BRWD1: variants seen among roughly 807,000 people sequenced by gnomAD.
The protein encoded by BRWD1 is bromodomain and WD repeat-containing protein 1.
Under a neutral mutation model 251.2 loss-of-function variants are expected in BRWD1, and 82 were observed. The ratio of observed to expected loss-of-function variants is 0.33; its 90% confidence interval spans 0.27 to 0.39. The LOEUF (loss-of-function observed/expected upper bound fraction) is 0.39, where lower values mean the gene tolerates loss of function less well. Among genes scored for constraint, BRWD1 ranks in the 10% least tolerant of loss-of-function variants. The pLI is 1.00. For missense variants in BRWD1, 2,233 were observed against 2,711.6 expected (o/e 0.82, Z 3.92); for synonymous variants, 918 against 902.8 (o/e 1.02, Z -0.30).
chr21:39,198,907 AT>A lies in BRWD1; in HGVS notation c.5508del (p.Lys1836AsnfsTer7). The part of the protein sequence containing the change: ...ESEEQDREDG[K>X]CHKMEMNPIS... ...ATTGGGTTCATTTCCATTTTATGAC[AT>A]TTCCCATCTTCTCTATCTTGCTCTT... On this transcript the variant is annotated frameshift_variant, in exon 40 of 41. Coordinates refer to ENST00000342449, the MANE Select transcript of BRWD1 (RefSeq NM_033656.4). LOFTEE classifies it high-confidence loss of function. 1 of 1,614,110 alleles carries A rather than the reference AT, an allele frequency of 6.2e-7. No homozygotes were observed. Among genetic ancestry groups the A allele is most frequent in the Non-Finnish European group, 8.5e-7 (1 of 1,180,014 alleles).
rs2836979 is a variant in BRWD1, at chr21:39,298,241, T to C, written c.349+191A>G. The C allele has an allele frequency of 6.5e-6, 8 of 1,235,524 alleles. No individual in the cohort carries two copies. In the East Asian group the frequency reaches 9.7e-5, roughly 15 times the overall value. The allele number at this position is 1,235,524 out of a possible 1,614,324, so 76.5% of individuals were successfully genotyped here. On this transcript the variant is annotated intron_variant, in intron 5 of 40. Coordinates refer to ENST00000342449, the MANE Select transcript of BRWD1 (RefSeq NM_033656.4). ...ATCTATATCTTTATCAACTTTTTAA[T>C]GCAGAAGGACCCATTAAACACTTAT...
At chr21:39,274,342 T>C (rs1601436571) in intron 13 of BRWD1, 32 bp downstream of exon 13, 5 of 1,508,942 alleles carry the variant, frequency 3.3e-6, no homozygotes, top group South Asian at 1.1e-5. Context: ...CGAACACCTA[T>C]GATGCACCTA....
chr21:39,280,326 T>C, intron 8 of BRWD1, 78 bp from the exon 9 acceptor site: 1 of 1,092,346 alleles, frequency 9.2e-7, no homozygotes. Context: ...CAAACTTAAC[T>C]TCAATTGACA....
chr21:39,203,445 T>C (rs964618313), intron 37 of BRWD1, among the ~76,000 whole-genome samples: 25 of 135,998 alleles, frequency 1.8e-4, no homozygotes, highest in South Asian at 7.5e-4. Flanking sequence ...GTTCTTTTTT[T>C]TTTTTTTTTT....
At chr21:39,278,115 C>T (rs2035335400) in intron 10 of BRWD1, among the ~76,000 whole-genome samples, 1 of 152,088 alleles carries the variant, frequency 6.6e-6, no homozygotes, top group African/African-American at 2.4e-5. Flanking sequence ...TCCCAAAGGA[C>T]TGGGATTACA....
intron 8 of BRWD1, among the ~76,000 whole-genome samples, chr21:39,290,413 C>T (rs2035774070): frequency 6.6e-6 from 1 of 151,820 alleles, no homozygotes; most frequent in South Asian, 2.1e-4. Flanking sequence ...ACCACTTGAA[C>T]CCATGAGGCA....
chr21:39,315,490 C>A (rs2036683040), upstream of BRWD1, among the ~76,000 whole-genome samples: 1 of 151,962 alleles, frequency 6.6e-6, no homozygotes, highest in South Asian at 2.1e-4. Context: ...AAAAATTAGC[C>A]AGGTGTGGCA....
chr21:39,280,065 C>A (rs779342883), intron 9 of BRWD1, 83 bp downstream of exon 9: 9 of 1,025,414 alleles, frequency 8.8e-6, no homozygotes, highest in Non-Finnish European at 1.3e-5. Context: ...CACAATTTCT[C>A]ATAACAATAA....
chr21:39,250,748 T>C (rs1168080510), intron 20 of BRWD1, 48 bp downstream of exon 20: 2 of 1,169,866 alleles, frequency 1.7e-6, no homozygotes, highest in Admixed American at 2.5e-5. Flanking sequence ...GAAAACTCTA[T>C]ATTTCAATGT....
At chr21:39,295,397 C>T (rs977870334) in intron 7 of BRWD1, among the ~76,000 whole-genome samples, 1 of 151,870 alleles carries the variant, frequency 6.6e-6, no homozygotes, top group African/African-American at 2.4e-5. Context: ...CCGTGTTAGC[C>T]AGGATGGTCT....
At chr21:39,288,487 A>ATTGTGAT (rs2035708892) in intron 8 of BRWD1, among the ~76,000 whole-genome samples, 1 of 152,140 alleles carries the variant, frequency 6.6e-6, no homozygotes, top group Non-Finnish European at 1.5e-5. Context: ...TTAAATGTCT[A>ATTGTGAT]TTGTGATTTT....
intron 29 of BRWD1, among the ~76,000 whole-genome samples, chr21:39,219,116 G>T (rs1485653361): frequency 2.6e-5 from 4 of 152,072 alleles, no homozygotes; most frequent in Admixed American, 6.6e-5. Flanking sequence ...AAACAGACTG[G>T]TATTTCTTGA....
chr21:39,312,094 GC>G (rs2036503820), intron 4 of BRWD1, among the ~76,000 whole-genome samples: 1 of 152,118 alleles, frequency 6.6e-6, no homozygotes. Context: ...ACGAATCCCT[GC>G]AACTGCTGTA....
chr21:39,216,484 C>T (rs1215473985), intron 31 of BRWD1: 1 of 154,020 alleles, frequency 6.5e-6, no homozygotes, highest in Non-Finnish European at 1.4e-5. Flanking sequence ...CCCTGCAACT[C>T]TCAGCCTCCT....
Position 39,199,402 on chromosome 21 carries a change from T to C in BRWD1, c.5014A>G (p.Lys1672Glu). ...PHRNASAVAR[K>E]KLLHNSEDEQ... ...TCTTCAGAATTATGTAATAACTTTT[T>C]TCTAGCTACAGCAGAAGCATTGCGG... The change falls in exon 40 of 41, where the codon AAA becomes GAA. Residue 1672 changes from lysine to glutamate, a missense_variant. By Grantham distance (56) the Lys-to-Glu change is moderately conservative. This residue lies in a region of BRWD1 where 928 missense variants were observed against 970.0 expected (regional missense o/e 0.96). Coordinates refer to ENST00000342449, the MANE Select transcript of BRWD1 (RefSeq NM_033656.4). The C allele has an allele frequency of 1.2e-6, 2 of 1,614,254 alleles. No individual in the cohort carries two copies. The highest frequency in any genetic ancestry group is 2.2e-5 in the East Asian group (1 of 44,894).
rs185738906 is a variant in BRWD1 at position 39,191,935 on chromosome 21, C to T, written c.*4324G>A. The T allele has an allele frequency of 1.0e-6, 1 of 984,568 alleles. No individual in the cohort carries two copies. The highest frequency in any genetic ancestry group is 1.1e-4 in the East Asian group (1 of 8,800). 61.0% of individuals were successfully genotyped at this position (984,568 alleles called of 1,614,324 possible). On this transcript the variant is annotated 3_prime_UTR_variant, in exon 41 of 41. Transcript: ENST00000342449. Reference sequence around the variant, plus strand: ...AATTAAATTCAAACTATTGGTCTTGCCATACTTGAGAAACAGATGTATAGT... The same window carrying T: ...AATTAAATTCAAACTATTGGTCTTGTCATACTTGAGAAACAGATGTATAGT...
chr21:39,236,348 G>A (rs1450056847), intron 23 of BRWD1, among the ~76,000 whole-genome samples: 1 of 152,046 alleles, frequency 6.6e-6, no homozygotes, highest in Non-Finnish European at 1.5e-5. Context: ...GTTGAAAGTA[G>A]GAGACAGAGG....
In BRWD1 at chr21:39,258,683, AATT is replaced by A; in HGVS notation, c.1886-14_1886-12del. 1 of 1,545,950 alleles carries A rather than the reference AATT, an allele frequency of 6.5e-7. No individual in the cohort carries two copies. Among genetic ancestry groups the A allele is most frequent in the Non-Finnish European group, 8.7e-7 (1 of 1,147,010 alleles). ...TCACCTCTCCATCACCTACAAATTC[AATT>A]ATTTAATATATAATCATATAAAAGC... On this transcript the variant is annotated splice_polypyrimidine_tract_variant and intron_variant, in intron 17 of 40. Transcript: ENST00000342449.
chr21:39,243,828 TC>T (rs886501380), intron 21 of BRWD1, among the ~76,000 whole-genome samples: 25 of 152,166 alleles, frequency 1.6e-4, no homozygotes, highest in African/African-American at 5.8e-4. Context: ...TATGTACAAC[TC>T]ACTCTCAAAA....
Sources: allele counts gnomAD v4.1 joint callset (sites outside exome capture counted in the v4.1 genomes callset), GRCh38; gene constraint gnomAD v4.1.1; regional missense constraint gnomAD v4.1.1; transcripts MANE v1.5; gene names NCBI Gene and HGNC (gene_info 2026-07-23, HGNC 2026-07-21).